Variants in PRRX2 observed in about 807,000 individuals in gnomAD.
PRRX2 encodes the protein paired mesoderm homeobox protein 2.
A neutral mutation model predicts 18.0 loss-of-function variants in PRRX2; 11 were observed. The observed-to-expected ratio is 0.61, with a 90% confidence interval of 0.39 to 1.01. The LOEUF (loss-of-function observed/expected upper bound fraction) is 1.01, where lower values mean the gene tolerates loss of function less well. PRRX2 is among the 50% of genes least tolerant of loss of function. PRRX2 has a pLI of 0.01. For synonymous variants in PRRX2, 177 were observed against 154.8 expected (o/e 1.14, Z -1.06); for missense variants, 387 against 351.0 (o/e 1.10, Z -0.82).
chr9:129,672,977 C>T (rs1005135515), intron 1 of PRRX2, among the ~76,000 whole-genome samples: 11 of 152,274 alleles, frequency 7.2e-5, no homozygotes, highest in African/African-American at 1.2e-4. Flanking sequence ...GTTCCACTGC[C>T]GGCCTGTGGT....
chr9:129,683,866 A>C (rs1291180443), intron 1 of PRRX2, among the ~76,000 whole-genome samples: 1 of 152,176 alleles, frequency 6.6e-6, no homozygotes, highest in Non-Finnish European at 1.5e-5. Context: ...CACAGCCAGC[A>C]CCTGCAGAGG....
intron 1 of PRRX2, among the ~76,000 whole-genome samples, chr9:129,706,159 T>G (rs906144564): frequency 1.3e-5 from 2 of 152,192 alleles, no homozygotes; most frequent in Non-Finnish European, 2.9e-5. Flanking sequence ...AAGTGCACAG[T>G]CCAGGGCCGG....
chr9:129,698,752 A>G, intron 1 of PRRX2, among the ~76,000 whole-genome samples: 1 of 152,324 alleles, frequency 6.6e-6, no homozygotes, highest in African/African-American at 2.4e-5. Context: ...TCACAGGGAA[A>G]CAGGCCCAGA....
intron 1 of PRRX2, among the ~76,000 whole-genome samples, chr9:129,677,439 T>C (rs1471610464): frequency 6.6e-6 from 1 of 152,216 alleles, no homozygotes; most frequent in Non-Finnish European, 1.5e-5. Flanking sequence ...GTTCTCCTGC[T>C]AGAAGCAGCC....
chr9:129,684,461 C>CACACACACACACAA (rs1382196160), intron 1 of PRRX2, among the ~76,000 whole-genome samples: 1 of 132,212 alleles, frequency 7.6e-6, no homozygotes, highest in African/African-American at 2.8e-5. Context: ...CACACACACC[C>CACACACACACACAA]AACAGAAAAG....
At chr9:129,681,661 C>G (rs918423835) in intron 1 of PRRX2, among the ~76,000 whole-genome samples, 3 of 152,174 alleles carry the variant, frequency 2.0e-5, no homozygotes, top group Non-Finnish European at 4.4e-5. Flanking sequence ...GGTGCCCCCT[C>G]TCTGCTCCTC....
chr9:129,698,441 A>T (rs1183895630), intron 1 of PRRX2, among the ~76,000 whole-genome samples: 1 of 152,224 alleles, frequency 6.6e-6, no homozygotes, highest in African/African-American at 2.4e-5. Flanking sequence ...CCTGGTGTGC[A>T]GCCCTTCCCC....
chr9:129,697,408 G>A (rs1588169235), intron 1 of PRRX2, among the ~76,000 whole-genome samples: 1 of 151,704 alleles, frequency 6.6e-6, no homozygotes, highest in East Asian at 1.9e-4. Flanking sequence ...GGGCAGCGCG[G>A]GGCTGGGCGC....
chr9:129,673,680 GCA>G (rs1832127609), intron 1 of PRRX2, among the ~76,000 whole-genome samples: 1 of 143,228 alleles, frequency 7.0e-6, no homozygotes, highest in African/African-American at 2.5e-5. Context: ...ACACACACAG[GCA>G]CACACACGCC....
chr9:129,722,157 G>A (rs1286937925), intron 3 of PRRX2, 60 bp from the exon 4 acceptor site: 14 of 1,578,348 alleles, frequency 8.9e-6, no homozygotes, highest in African/African-American at 1.3e-5. Context: ...GGCTGGGGTC[G>A]AGCACTGATA....
intron 1 of PRRX2, among the ~76,000 whole-genome samples, chr9:129,694,945 C>T (rs2130920807): frequency 6.6e-6 from 1 of 152,320 alleles, no homozygotes; most frequent in East Asian, 1.9e-4. Context: ...CTCTCATCAG[C>T]CCCCCAAGAC....
Position 129,719,280 on chromosome 9 carries a change from G to T in PRRX2, c.309G>T (p.Lys103Asn). The T allele has an allele frequency of 6.2e-7, 1 of 1,609,568 alleles. No homozygotes were observed. The highest frequency in any genetic ancestry group is 1.3e-5 in the African/African-American group (1 of 74,926). Residue 103 changes from lysine to asparagine, a missense_variant, in exon 2 of 4, where the codon AAG (lysine) becomes AAT (asparagine). Lys to Asn is a moderately conservative substitution (Grantham distance 94). Transcript: ENST00000372469. ...GRGSAAKRKK[K>N]QRRNRTTFNS... Reference sequence around the variant, plus strand: ...GTAGCGCCGCCAAGCGGAAGAAGAAGCAGCGGCGGAACCGCACCACGTTCA... The same window carrying T: ...GTAGCGCCGCCAAGCGGAAGAAGAATCAGCGGCGGAACCGCACCACGTTCA...
rs1037401894 is a variant in PRRX2 at position 129,695,663 on chromosome 9, A to G, written c.260-23568A>G. Among the ~76,000 whole-genome samples the G allele has an allele frequency of 2.0e-5, 3 of 152,214 alleles. No homozygotes were observed. The highest frequency in any genetic ancestry group is 7.2e-5 in the African/African-American group (3 of 41,454). ...CCCGCCACCCCAAACCTTTAACAGGAGACTTGGCTGGGAAGTCAAAAGGAC... is the reference window on the plus strand; with the variant it reads ...CCCGCCACCCCAAACCTTTAACAGGGGACTTGGCTGGGAAGTCAAAAGGAC... On this transcript the variant is annotated intron_variant, in intron 1 of 3. Coordinates refer to ENST00000372469, the MANE Select transcript of PRRX2 (RefSeq NM_016307.4). The surrounding 1 kb of genome is among the most constrained non-coding windows in gnomAD (Gnocchi z 4.8).
At position 129,695,463 on chromosome 9, in the gene PRRX2, T is replaced by A. The variant is rs1212299914; in HGVS notation, c.260-23768T>A. ...CTTGCTCTGGGCTTTACTTGACCAA[T>A]GTGCTTCTTTGGTTTGGTTTTTATA... is the stretch of plus-strand genomic sequence containing the variant. On this transcript the variant is annotated intron_variant, in intron 1 of 3. Transcript: ENST00000372469. This position sits in a 1 kb window ranked among gnomAD's most constrained non-coding sequence, Gnocchi z 4.8. 6.6e-6 allele frequency among the ~76,000 whole-genome samples: 1 copy of A among 152,210 alleles called. No homozygotes were observed. Among genetic ancestry groups the A allele is most frequent in the Non-Finnish European group, 1.5e-5 (1 of 68,032 alleles).
At chr9:129,701,550 C>T (rs1832497477) in intron 1 of PRRX2, among the ~76,000 whole-genome samples, 1 of 152,220 alleles carries the variant, frequency 6.6e-6, no homozygotes, top group African/African-American at 2.4e-5. Flanking sequence ...ACCAGTCACA[C>T]TGGAGTCTGT....
At chr9:129,694,346 G>A (rs1383773474) in intron 1 of PRRX2, among the ~76,000 whole-genome samples, 1 of 152,144 alleles carries the variant, frequency 6.6e-6, no homozygotes, top group African/African-American at 2.4e-5. Context: ...CACCATGCCC[G>A]GCTAACTTGT....
chr9:129,708,632 A>G (rs191182129), intron 1 of PRRX2, among the ~76,000 whole-genome samples: 115 of 152,238 alleles, frequency 7.6e-4, no homozygotes, highest in African/African-American at 2.7e-3. Context: ...CAGTTTCTTA[A>G]TGGTTATAAC....
At chr9:129,684,516 ACACACACCCACACACACC>A (rs1378628526) in intron 1 of PRRX2, among the ~76,000 whole-genome samples, 1 of 33,670 alleles carries the variant, frequency 3.0e-5, no homozygotes, top group African/African-American at 9.5e-5. Context: ...ACACACACAC[ACACACACCCACACACACC>A]CCAACAGAAA....
intron 1 of PRRX2, among the ~76,000 whole-genome samples, chr9:129,685,746 C>T (rs1445034691): frequency 6.6e-6 from 1 of 152,170 alleles, no homozygotes; most frequent in Non-Finnish European, 1.5e-5. Flanking sequence ...TATTATGCAC[C>T]CAAAGACTTA....
Sources: allele counts gnomAD v4.1 joint callset (sites outside exome capture counted in the v4.1 genomes callset), GRCh38; gene constraint gnomAD v4.1.1; non-coding constraint Gnocchi (gnomAD v3.1); transcripts MANE v1.5; gene names NCBI Gene and HGNC (gene_info 2026-07-23, HGNC 2026-07-21).